Variants in MLLT3 observed in about 807,000 individuals in gnomAD.
The protein encoded by MLLT3 is protein AF-9.
MLLT3 carries 4 observed loss-of-function variants against 53.2 expected under a neutral mutation model. That is an observed-to-expected ratio of 0.08 (90% confidence interval 0.04 to 0.17). The LOEUF (loss-of-function observed/expected upper bound fraction) is 0.17, where lower values mean the gene tolerates loss of function less well. MLLT3 is among the 10% of genes least tolerant of loss of function. MLLT3 has a pLI of 1.00. For missense variants in MLLT3, 569 were observed against 684.0 expected (o/e 0.83, Z 1.87); for synonymous variants, 283 against 230.6 (o/e 1.23, Z -2.06).
intron 2 of MLLT3, among the ~76,000 whole-genome samples, chr9:20,527,806 A>G (rs1172569209): frequency 6.6e-6 from 1 of 152,220 alleles, no homozygotes; most frequent in Non-Finnish European, 1.5e-5. Flanking sequence ...AAGTCAAACA[A>G]CAGGCTTGCT....
intron 2 of MLLT3, among the ~76,000 whole-genome samples, chr9:20,497,145 T>C (rs561477684): frequency 1.3e-5 from 2 of 152,326 alleles, no homozygotes; most frequent in Non-Finnish European, 1.5e-5. Flanking sequence ...TAGTATCCAG[T>C]AGTAAATGGC....
chr9:20,432,215 C>A (rs755918998), intron 4 of MLLT3, among the ~76,000 whole-genome samples: 5 of 151,954 alleles, frequency 3.3e-5, no homozygotes, highest in Middle Eastern at 3.2e-3. Flanking sequence ...GAGTCCTGTG[C>A]GGTAAGTACT....
intron 4 of MLLT3, among the ~76,000 whole-genome samples, chr9:20,436,219 C>T (rs1823398792): frequency 6.6e-6 from 1 of 152,098 alleles, no homozygotes; most frequent in South Asian, 2.1e-4. Context: ...CATGCATAAC[C>T]TTGCTGTTCA....
chr9:20,467,162 A>G (rs561468554), intron 2 of MLLT3, among the ~76,000 whole-genome samples: 6 of 151,750 alleles, frequency 4.0e-5, no homozygotes, highest in African/African-American at 1.2e-4. Flanking sequence ...TTTTTTTTCA[A>G]TTGAGACAAG....
chr9:20,446,968 A>G (rs1823721632), intron 4 of MLLT3, among the ~76,000 whole-genome samples: 1 of 152,192 alleles, frequency 6.6e-6, no homozygotes, highest in Admixed American at 6.5e-5. Flanking sequence ...AAGGAATGAA[A>G]TATGGTAAAA....
intron 4 of MLLT3, among the ~76,000 whole-genome samples, chr9:20,430,822 T>C (rs1347458549): frequency 6.6e-6 from 1 of 151,884 alleles, no homozygotes; most frequent in Admixed American, 6.6e-5. Context: ...ACTAGGAAAA[T>C]ATGTCAATAG....
chr9:20,585,405 T>C (rs924278822), intron 2 of MLLT3, among the ~76,000 whole-genome samples: 2 of 152,060 alleles, frequency 1.3e-5, no homozygotes, highest in Non-Finnish European at 2.9e-5. Flanking sequence ...CGTAGAAGGG[T>C]AGGGTTTCAA....
At chr9:20,581,078 T>C (rs1426896838) in intron 2 of MLLT3, among the ~76,000 whole-genome samples, 4 of 152,256 alleles carry the variant, frequency 2.6e-5, no homozygotes, top group Admixed American at 6.5e-5. Flanking sequence ...AAATTCCATT[T>C]ATCAGTGGAT....
At chr9:20,492,051 C>T (rs990600095) in intron 2 of MLLT3, among the ~76,000 whole-genome samples, 5 of 151,764 alleles carry the variant, frequency 3.3e-5, no homozygotes, top group Admixed American at 6.6e-5. Context: ...CATTTATTAA[C>T]CTATTTAGAA....
chr9:20,406,870 A>T (rs1822591702), intron 5 of MLLT3, among the ~76,000 whole-genome samples: 2 of 152,192 alleles, frequency 1.3e-5, no homozygotes, highest in South Asian at 4.1e-4. Context: ...CTTTGACTTT[A>T]TCTGGGAATA....
In MLLT3 at chr9:20,557,026, C is replaced by T. The variant is rs114889150; in HGVS notation, c.193+63628G>A. On this transcript the variant is annotated intron_variant, in intron 2 of 10. Transcript: ENST00000380338. ...CAATGACTACGATTCAGAAGAAGAACGCAACCTACTGTTCCAGTCTTTAAC... is the reference window on the plus strand; with the variant it reads ...CAATGACTACGATTCAGAAGAAGAATGCAACCTACTGTTCCAGTCTTTAAC... Among the ~76,000 whole-genome samples the T allele has an allele frequency of 3.9e-3, 600 of 152,226 alleles. 2 individuals are homozygous for T. Among genetic ancestry groups the T allele is most frequent in the African/African-American group, 0.012 (516 of 41,524 alleles).
At chr9:20,517,256 G>T (rs1032027680) in intron 2 of MLLT3, among the ~76,000 whole-genome samples, 2 of 152,124 alleles carry the variant, frequency 1.3e-5, no homozygotes, top group African/African-American at 4.8e-5. Flanking sequence ...TCTACCTACT[G>T]TAGAGGGCTA....
rs79998494 is a variant in MLLT3, at chr9:20,482,851, A to T, written c.194-26065T>A. Among the ~76,000 whole-genome samples the T allele has an allele frequency of 1.7e-3, 266 of 152,322 alleles. 4 individuals carry two copies. The East Asian group carries it at 0.032, about 18-fold the overall frequency. Reference sequence around the variant, plus strand: ...ACACCTCTGTCCTTGCCATTTACTTATACCTGTTGTTTCTTACATAAATCA... The same window carrying T: ...ACACCTCTGTCCTTGCCATTTACTTTTACCTGTTGTTTCTTACATAAATCA... On this transcript the variant is annotated intron_variant, in intron 2 of 10. Coordinates refer to ENST00000380338, the MANE Select transcript of MLLT3 (RefSeq NM_004529.4).
rs773478235 is a variant in MLLT3, at chr9:20,620,611, C to G, written c.193+43G>C. The G allele has an allele frequency of 6.3e-7, 1 of 1,581,854 alleles. No homozygotes were observed. Among genetic ancestry groups the G allele is most frequent in the African/African-American group, 1.4e-5 (1 of 73,984 alleles). On this transcript the variant is annotated intron_variant, in intron 2 of 10. Coordinates refer to ENST00000380338, the MANE Select transcript of MLLT3 (RefSeq NM_004529.4). This position sits in a 1 kb window ranked among gnomAD's most constrained non-coding sequence, Gnocchi z 6.1. ...GACCGCCCGGGCCAAGCGATTGTTTCAAAGACATTTTTTATCAAGACCCTT... is the reference window on the plus strand; with the variant it reads ...GACCGCCCGGGCCAAGCGATTGTTTGAAAGACATTTTTTATCAAGACCCTT...
chr9:20,484,546 C>T (rs1824757582), intron 2 of MLLT3, among the ~76,000 whole-genome samples: 1 of 152,154 alleles, frequency 6.6e-6, no homozygotes, highest in South Asian at 2.1e-4. Context: ...TACTACCCAA[C>T]TATATGGGTA....
intron 2 of MLLT3, among the ~76,000 whole-genome samples, chr9:20,578,775 C>T (rs1307282561): frequency 6.6e-6 from 1 of 151,904 alleles, no homozygotes; most frequent in Non-Finnish European, 1.5e-5. Context: ...CTAACATTTT[C>T]CAAGTAGATA....
intron 2 of MLLT3, among the ~76,000 whole-genome samples, chr9:20,586,123 G>C (rs1340928714): frequency 6.6e-6 from 1 of 152,102 alleles, no homozygotes; most frequent in Non-Finnish European, 1.5e-5. Context: ...TTTGCGACCA[G>C]CCGGGCAACA....
intron 2 of MLLT3, among the ~76,000 whole-genome samples, chr9:20,461,586 T>G (rs1224881562): frequency 2.0e-5 from 3 of 151,888 alleles, no homozygotes; most frequent in African/African-American, 7.2e-5. Context: ...ATTACTTATA[T>G]ATATTCAATA....
At chr9:20,501,308 T>C (rs1000882474) in intron 2 of MLLT3, among the ~76,000 whole-genome samples, 7 of 152,204 alleles carry the variant, frequency 4.6e-5, no homozygotes, top group Non-Finnish European at 7.3e-5. Context: ...CCAGGCCTTC[T>C]GCTATGTGTG....
Sources: gnomAD v4.1 joint callset for allele counts (sites outside exome capture counted in the v4.1 genomes callset) on GRCh38, gnomAD v4.1.1 for gene constraint, Gnocchi (gnomAD v3.1) non-coding constraint, MANE v1.5 for transcripts, NCBI Gene and HGNC (gene_info 2026-07-23, HGNC 2026-07-21) for gene names.